The following FAM111B variants were observed in gnomAD, a reference collection of about 807,000 sequenced individuals.
The protein encoded by FAM111B is FAM111 trypsin like peptidase B.
Under a neutral mutation model 2.8 loss-of-function variants are expected in FAM111B, and 1 was observed. The ratio of observed to expected loss-of-function variants is 0.36; its 90% CI spans 0.13 to 1.70. The LOEUF (loss-of-function observed/expected upper bound fraction) is 1.70. Among genes scored for constraint, FAM111B ranks in the 40% most tolerant of loss-of-function variants. FAM111B has a pLI of 0.35. For missense variants in FAM111B, 882 were observed against 878.9 expected (o/e 1.00, Z -0.04); for synonymous variants, 297 against 295.6 (o/e 1.00, Z -0.05).
intron 3 of FAM111B, among the ~76,000 whole-genome samples, chr11:59,114,477 G>A (rs139747210): frequency 3.7e-4 from 57 of 152,284 alleles, no homozygotes; most frequent in Middle Eastern, 3.4e-3. Flanking sequence ...GAGGTGTGAA[G>A]GAAAAGAGAG....
At chr11:59,118,437 A>G (rs1327662350) in intron 3 of FAM111B, among the ~76,000 whole-genome samples, 1 of 152,226 alleles carries the variant, frequency 6.6e-6, no homozygotes, top group Non-Finnish European at 1.5e-5. Flanking sequence ...TTCCTACAAT[A>G]TATTTTAGGA....
chr11:59,112,522 A>G (rs182771845), intron 3 of FAM111B, among the ~76,000 whole-genome samples: 50 of 152,350 alleles, frequency 3.3e-4, no homozygotes, highest in Middle Eastern at 3.4e-3. Flanking sequence ...GGGTTCACCT[A>G]GCAGTGGAAT....
At chr11:59,121,616 A>G (rs905916804) in intron 3 of FAM111B, among the ~76,000 whole-genome samples, 2 of 152,152 alleles carry the variant, frequency 1.3e-5, no homozygotes, top group African/African-American at 4.8e-5. Flanking sequence ...TCAAATATTT[A>G]TTGATAAAAT....
chr11:59,125,921 T>C lies in FAM111B; in HGVS notation c.1824T>C (p.Asp608=). 1 of 1,613,882 alleles carries C rather than the reference T, an allele frequency of 6.2e-7. No individual in the cohort carries two copies. The highest frequency in any genetic ancestry group is 8.5e-7 in the Non-Finnish European group (1 of 1,179,830). ...AAAAATATCCAAACGATTGTCAAGA[T>C]GGGTTGGTAGATCTCTATGATACCA... ...RLKKYPNDCQ[D]GLVDLYDTTS... The change falls in exon 4 of 4, where the codon GAT becomes GAC. Residue 608 remains aspartate (D), a synonymous_variant. Transcript: ENST00000343597.
In FAM111B at chr11:59,125,794, C is replaced by T. The variant is rs779140212; in HGVS notation, c.1697C>T (p.Ser566Phe). 1 of 1,613,868 alleles carries T rather than the reference C, an allele frequency of 6.2e-7. No individual in the cohort carries two copies. The highest frequency in any genetic ancestry group is 8.5e-7 in the Non-Finnish European group (1 of 1,179,842). ...CCTCCAGGACTATGGCGACAGATTTCTCCTCAACCATCTACTGGTTTGATT... is the reference window on the plus strand; with the variant it reads ...CCTCCAGGACTATGGCGACAGATTTTTCCTCAACCATCTACTGGTTTGATT... ...AFPPGLWRQI[S>F]PQPSTGLIYL... The change falls in exon 4 of 4, where the codon TCT becomes TTT. Residue 566 changes from serine to phenylalanine, a missense_variant. Ser to Phe is a radical substitution (Grantham distance 155). Coordinates refer to ENST00000343597, the MANE Select transcript of FAM111B (RefSeq NM_198947.4).
Position 59,109,725 on chromosome 11 carries a change from A to C in FAM111B, c.81+19A>C. 1.3e-6 allele frequency: 2 copies of C among 1,517,916 alleles called. No homozygotes were observed. The highest frequency in any genetic ancestry group is 1.8e-6 in the Non-Finnish European group (2 of 1,096,318). The allele number at this position is 1,517,916 out of a possible 1,614,324, so 94.0% of individuals were successfully genotyped here. A position where few individuals can be genotyped will look rare whatever the true frequency, so the allele number is the denominator to read the frequency against. On this transcript the variant is annotated intron_variant, in intron 3 of 3. Coordinates refer to ENST00000343597, the MANE Select transcript of FAM111B (RefSeq NM_198947.4). Reference sequence around the variant, plus strand: ...TTCAAAGGTATATCTACTTTTTTACAACTCCTCAGAGGAGTGATAGTCTAA... The same window carrying C: ...TTCAAAGGTATATCTACTTTTTTACCACTCCTCAGAGGAGTGATAGTCTAA...
Position 59,125,630 on chromosome 11 carries a change from A to G in FAM111B, c.1533A>G (p.Lys511=), listed in dbSNP as rs758131331. Residue 511 remains lysine, a synonymous_variant, in exon 4 of 4, where the codon AAA becomes AAG. Coordinates refer to ENST00000343597, the MANE Select transcript of FAM111B (RefSeq NM_198947.4). ...HPSLWPDIIS[K]CAKVTFTYTE... ...GTTTGTGGCCAGATATAATTAGCAA[A>G]TGTGCGAAGGTAACCTTCACTTATA... is the stretch of plus-strand genomic sequence containing the variant. 3 of 1,613,968 alleles carry G rather than the reference A, an allele frequency of 1.9e-6. No homozygotes were observed. The highest frequency in any genetic ancestry group is 1.1e-5 in the South Asian group (1 of 91,084).
rs1859732828 is a variant in FAM111B, at chr11:59,109,911, A to G, written c.81+205A>G. ...ACAATGCTAAACGTATGTTAAGACA[A>G]CAAGATGACTAACAAACAATATAGA... On this transcript the variant is annotated intron_variant, in intron 3 of 3. Coordinates refer to ENST00000343597, the MANE Select transcript of FAM111B (RefSeq NM_198947.4). 1.1e-5 allele frequency: 4 copies of G among 355,514 alleles called. 1 individual carries two copies. Among genetic ancestry groups the G allele is most frequent in the South Asian group, 1.7e-4 (2 of 11,740 alleles). 22.0% of individuals were successfully genotyped at this position (355,514 alleles called of 1,614,324 possible). A position where few individuals can be genotyped will look rare whatever the true frequency, so the allele number is the denominator to read the frequency against.
At position 59,112,876 on chromosome 11, in the gene FAM111B, A is replaced by G. The variant is rs187471662; in HGVS notation, c.81+3170A>G. 2.3e-3 allele frequency among the ~76,000 whole-genome samples: 357 copies of G among 152,330 alleles called. 1 individual carries two copies. The highest frequency in any genetic ancestry group is 0.02 in the Middle Eastern group (6 of 294). On this transcript the variant is annotated intron_variant, in intron 3 of 3. Transcript: ENST00000343597. The stretch of plus-strand genomic sequence containing the variant: ...TTTGAGAGGGCTTTACATATTTTGG[A>G]AACAAGTCCTTTGTCATATTGCTTT...
At position 59,125,594 on chromosome 11, in the gene FAM111B, C is replaced by T; in HGVS notation, c.1497C>T (p.Asn499=). 1.2e-6 allele frequency: 2 copies of T among 1,613,900 alleles called. No individual in the cohort carries two copies. Among genetic ancestry groups the T allele is most frequent in the Non-Finnish European group, 1.7e-6 (2 of 1,179,818 alleles). ...TTGTACATCTTATGGTGGGTAAAAA[C>T]ACACATCCAAGTTTGTGGCCAGATA... The part of the protein sequence containing the change: ...RHVVHLMVGK[N]THPSLWPDII... The change falls in exon 4 of 4, where the codon AAC becomes AAT. Residue 499 remains asparagine (N), a synonymous_variant. Coordinates refer to ENST00000343597, the MANE Select transcript of FAM111B (RefSeq NM_198947.4).
chr11:59,118,111 T>A (rs1049834702), intron 3 of FAM111B, among the ~76,000 whole-genome samples: 2 of 152,208 alleles, frequency 1.3e-5, no homozygotes, highest in African/African-American at 4.8e-5. Context: ...AGAGGTACTT[T>A]CCATGTTTCA....
chr11:59,124,149 T>G, intron 3 of FAM111B, 30 bp from the exon 4 acceptor site: 1 of 1,487,046 alleles, frequency 6.7e-7, no homozygotes, highest in Non-Finnish European at 9.1e-7. Context: ...AGGTGATTCT[T>G]GTTAACCTCT....
At position 59,107,266 on chromosome 11, in the gene FAM111B, C is replaced by T. The variant is rs1177608228; in HGVS notation, c.-162C>T. 6.6e-6 allele frequency: 1 copy of T among 152,470 alleles called. No individual in the cohort carries two copies. Among genetic ancestry groups the T allele is most frequent in the African/African-American group, 2.4e-5 (1 of 41,446 alleles). 9.4% of individuals were successfully genotyped at this position (152,470 alleles called of 1,614,324 possible). On this transcript the variant is annotated 5_prime_UTR_variant, in exon 1 of 4. Transcript: ENST00000343597. ...CCAGAGCGGCGGGCACTGACGGGCACTTGCACCGTGTGGACAGACTCTCCG... is the reference window on the plus strand; with the variant it reads ...CCAGAGCGGCGGGCACTGACGGGCATTTGCACCGTGTGGACAGACTCTCCG...
chr11:59,126,800 A>T lies in FAM111B; in HGVS notation c.*498A>T, dbSNP rs1190989314. ...GCTTATACACTGCTAGTGGGAAAAT[A>T]AATTAGTTCAGCCATTGTGGAAAGC... On this transcript the variant is annotated 3_prime_UTR_variant, in exon 4 of 4. Transcript: ENST00000343597. The T allele has an allele frequency of 6.3e-6, 1 of 158,752 alleles. No homozygotes were observed. Among genetic ancestry groups the T allele is most frequent in the East Asian group, 1.9e-4 (1 of 5,206 alleles). The allele number at this position is 158,752 out of a possible 1,614,324, so 9.8% of individuals were successfully genotyped here.
At chr11:59,111,119 A>T (rs190630227) in intron 3 of FAM111B, among the ~76,000 whole-genome samples, 58 of 152,228 alleles carry the variant, frequency 3.8e-4, no homozygotes, top group Admixed American at 3.2e-3. Flanking sequence ...CTGCATAGTG[A>T]CAAATAGAGC....
intron 3 of FAM111B, among the ~76,000 whole-genome samples, chr11:59,123,012 T>C (rs886817568): frequency 3.9e-5 from 6 of 152,220 alleles, no homozygotes; most frequent in Non-Finnish European, 7.3e-5. Flanking sequence ...TATTTTTTAC[T>C]TATGTTTTTC....
At position 59,126,205 on chromosome 11, in the gene FAM111B, A is replaced by C; in HGVS notation, c.2108A>C (p.Lys703Thr). 4 of 1,607,472 alleles carry C rather than the reference A, an allele frequency of 2.5e-6. No homozygotes were observed. In the South Asian group the frequency reaches 3.4e-5, roughly 14 times the overall value. Residue 703 changes from lysine to threonine, a missense_variant, in exon 4 of 4, where the codon AAA (lysine) becomes ACA (threonine). Coordinates refer to ENST00000343597, the MANE Select transcript of FAM111B (RefSeq NM_198947.4). ...DIKKTNESLY[K>T]SLNDEKLETY... ...AAAAAGACAAATGAGAGCTTGTATA[A>C]ATCATTAAATGATGAGAAACTTGAG...
chr11:59,127,122 G>C lies in FAM111B; in HGVS notation c.*820G>C, dbSNP rs776279028. On this transcript the variant is annotated 3_prime_UTR_variant, in exon 4 of 4. Coordinates refer to ENST00000343597, the MANE Select transcript of FAM111B (RefSeq NM_198947.4). ...GGAACTGAAGGTCATTATCCTAAGC[G>C]AACTAATGCAGGAACAGAAAGCCAA... The C allele has an allele frequency of 6.6e-6, 1 of 152,026 alleles. No individual in the cohort carries two copies. Among genetic ancestry groups the C allele is most frequent in the Non-Finnish European group, 1.5e-5 (1 of 67,972 alleles). The allele number at this position is 152,026 out of a possible 1,614,324, so 9.4% of individuals were successfully genotyped here. A position where few individuals can be genotyped will look rare whatever the true frequency, so the allele number is the denominator to read the frequency against.
Position 59,126,356 on chromosome 11 carries a change from A to C in FAM111B, c.*54A>C, listed in dbSNP as rs765466880. 1.5e-5 allele frequency: 22 copies of C among 1,419,616 alleles called. No homozygotes were observed. The highest frequency in any genetic ancestry group is 2.5e-5 in the Admixed American group (1 of 40,756). The allele number at this position is 1,419,616 out of a possible 1,614,324, so 87.9% of individuals were successfully genotyped here. ...GCCAATAATTCCTGGCAAAGATTTCATGACAAAGACACTTAAAGCAATTGC... is the reference window on the plus strand; with the variant it reads ...GCCAATAATTCCTGGCAAAGATTTCCTGACAAAGACACTTAAAGCAATTGC... On this transcript the variant is annotated 3_prime_UTR_variant, in exon 4 of 4. Transcript: ENST00000343597.
Sources: gnomAD v4.1 joint callset for allele counts (sites outside exome capture counted in the v4.1 genomes callset) on GRCh38, gnomAD v4.1.1 for gene constraint, MANE v1.5 for transcripts, NCBI Gene and HGNC (gene_info 2026-07-23, HGNC 2026-07-21) for gene names.